FSCN2: variants seen among roughly 807,000 people sequenced by gnomAD.
FSCN2 encodes the protein fascin-2.
Under a neutral mutation model 37.8 loss-of-function variants are expected in FSCN2, and 46 were observed. The observed-to-expected ratio is 1.22, with a 90% CI of 0.96 to 1.56. FSCN2 has a LOEUF of 1.56. FSCN2 is among the 40% of genes most tolerant of loss of function. FSCN2 has a pLI of 0.00. For missense variants in FSCN2, 844 were observed against 730.4 expected, an observed-to-expected ratio of 1.16 and a Z score of -1.79; for synonymous variants, 351 against 309.4, an observed-to-expected ratio of 1.13 and a Z score of -1.41.
the FSCN2 span, among the ~76,000 whole-genome samples, chr17:81,515,814 C>T: frequency 6.6e-6 from 1 of 152,392 alleles, no homozygotes; most frequent in South Asian, 2.1e-4. Flanking sequence ...CTCTGTCACT[C>T]TACCTGCCTG....
intron 1 of FSCN2, among the ~76,000 whole-genome samples, chr17:81,533,744 T>C (rs1421536616): frequency 6.6e-6 from 1 of 152,160 alleles, no homozygotes; most frequent in African/African-American, 2.4e-5. Context: ...ACTCCTCTCC[T>C]ATTTTGAGGC....
chr17:81,531,519 GTGGTGATGGCGATGGTGGTGATGA>G (rs2032600535), intron 1 of FSCN2, among the ~76,000 whole-genome samples: 2 of 120,282 alleles, frequency 1.7e-5, no homozygotes, highest in South Asian at 2.9e-4. Context: ...GATGGTGATG[GTGGTGATGGCGATGGTGGTGATGA>G]TGGTGATGGC....
At chr17:81,536,300 G>C (rs369041384) in intron 3 of FSCN2, 33 bp downstream of exon 3, 186 of 1,577,376 alleles carry the variant, frequency 1.2e-4, no homozygotes, top group Non-Finnish European at 1.5e-4. Context: ...ACTGGGGCAG[G>C]GGCTGTCTCC....
intron 2 of FSCN2, among the ~76,000 whole-genome samples, chr17:81,535,672 C>T (rs867644896): frequency 2.6e-4 from 2 of 7,672 alleles, no homozygotes; most frequent in African/African-American, 6.7e-4. Context: ...TCCATCCCCA[C>T]CATCCCCATC....
intron 1 of FSCN2, among the ~76,000 whole-genome samples, chr17:81,533,596 T>C (rs7503165): frequency 0.91 from 139,170 of 152,248 alleles, 63,635 homozygotes; most frequent in East Asian, 1. Flanking sequence ...TGTGTCTTCA[T>C]AGGAGTAAGA....
the FSCN2 span, among the ~76,000 whole-genome samples, chr17:81,520,871 C>T: frequency 6.6e-6 from 1 of 152,134 alleles, no homozygotes; most frequent in Admixed American, 6.5e-5. Context: ...TTTACAATTT[C>T]TTTCTTTTGT....
intron 1 of FSCN2, chr17:81,530,565 CT>C (rs782736716): frequency 2.0e-5 from 10 of 508,636 alleles, no homozygotes; most frequent in Admixed American, 1.8e-4. Context: ...CATGGAGCTC[CT>C]CCTCCCAACT....
chr17:81,531,942 GTGATGA>G lies in FSCN2; in HGVS notation c.826+2591_826+2596del, dbSNP rs548686611. 7.2e-5 allele frequency among the ~76,000 whole-genome samples: 8 copies of G among 110,792 alleles called. 1 individual carries two copies. In the South Asian group the frequency reaches 1.3e-3, roughly 18 times the overall value. 72.7% of individuals were successfully genotyped at this position (110,792 alleles called of 152,430 possible). On this transcript the variant is annotated intron_variant, in intron 1 of 4. Transcript: ENST00000417245. ...GGTGATGGTGATAGTGATGATAATG[GTGATGA>G]TGATGGTGATGGTGATAGTGATGAT...
the FSCN2 span, among the ~76,000 whole-genome samples, chr17:81,520,383 C>G: frequency 1.3e-5 from 2 of 152,198 alleles, no homozygotes; most frequent in Non-Finnish European, 2.9e-5. Flanking sequence ...GAGGGAATCA[C>G]CCTGGGGAGC....
chr17:81,532,635 ATGGTGATGATGG>A (rs1169859156), intron 1 of FSCN2, among the ~76,000 whole-genome samples: 4 of 143,552 alleles, frequency 2.8e-5, no homozygotes, highest in Admixed American at 1.4e-4. Context: ...GATGATGGTG[ATGGTGATGATGG>A]TGGTGATGGT....
At chr17:81,534,753 C>T (rs2032794718) in intron 1 of FSCN2, among the ~76,000 whole-genome samples, 1 of 151,792 alleles carries the variant, frequency 6.6e-6, no homozygotes, top group Non-Finnish European at 1.5e-5. Flanking sequence ...AAGGAGATTA[C>T]CAGCTGATTA....
At position 81,529,715 on chromosome 17, in the gene FSCN2, C is replaced by T. The variant is rs1267313733; in HGVS notation, c.826+358C>T. The T allele has an allele frequency of 2.0e-4, 105 of 529,848 alleles. 2 individuals carry two copies. Among genetic ancestry groups the T allele is most frequent in the South Asian group, 1.0e-3 (67 of 65,898 alleles). The allele number at this position is 529,848 out of a possible 1,614,324, so 32.8% of individuals were successfully genotyped here. On this transcript the variant is annotated intron_variant, in intron 1 of 4. Transcript: ENST00000417245. ...GTGCCCAGCAGGGGCAGGAGGCCCA[C>T]AGCCTGGCCTGGTGCCATGAGGGGC...
the FSCN2 span, among the ~76,000 whole-genome samples, chr17:81,516,397 C>G: frequency 1.3e-3 from 205 of 152,356 alleles, 1 homozygote; most frequent in Admixed American, 5.4e-3. Context: ...TAATAAAAAG[C>G]TAACTTGAAT....
At chr17:81,525,163 C>T (rs113563321), upstream of FSCN2, among the ~76,000 whole-genome samples, 8,198 of 151,996 alleles carry the variant, frequency 0.054, 460 homozygotes, top group African/African-American at 0.13. Context: ...CGGTGGCTCA[C>T]GCCTGTAATC....
At chr17:81,518,821 C>T in the FSCN2 span, among the ~76,000 whole-genome samples, 1 of 152,238 alleles carries the variant, frequency 6.6e-6, no homozygotes, top group Non-Finnish European at 1.5e-5. Flanking sequence ...GCTGGCGCCA[C>T]GCGGAAAAGG....
intron 3 of FSCN2, 38 bp downstream of exon 3, chr17:81,536,305 G>A: frequency 1.3e-6 from 2 of 1,574,102 alleles, no homozygotes; most frequent in Non-Finnish European, 1.7e-6. Flanking sequence ...GGCAGGGGCT[G>A]TCTCCACCCA....
At chr17:81,531,489 A>ATGG (rs1555671309) in intron 1 of FSCN2, among the ~76,000 whole-genome samples, 193 of 83,752 alleles carry the variant, frequency 2.3e-3, no homozygotes, top group Non-Finnish European at 2.7e-3. Flanking sequence ...GATGGTGATG[A>ATGG]TGGTGATGGT....
chr17:81,521,735 CT>C, the FSCN2 span, among the ~76,000 whole-genome samples: 1 of 152,094 alleles, frequency 6.6e-6, no homozygotes, highest in African/African-American at 2.4e-5. Context: ...TATCATTCTC[CT>C]TCTATTTCTG....
In FSCN2 at chr17:81,532,053, G is replaced by T. The variant is rs900626011; in HGVS notation, c.826+2696G>T. Among the ~76,000 whole-genome samples the T allele has an allele frequency of 2.4e-4, 29 of 121,562 alleles. 1 individual carries two copies. Among genetic ancestry groups the T allele is most frequent in the Non-Finnish European group, 8.5e-5 (5 of 58,574 alleles). 79.7% of individuals were successfully genotyped at this position (121,562 alleles called of 152,430 possible). A position where few individuals can be genotyped will look rare whatever the true frequency, so the allele number is the denominator to read the frequency against. On this transcript the variant is annotated intron_variant, in intron 1 of 4. Coordinates refer to ENST00000417245, the MANE Select transcript of FSCN2 (RefSeq NM_012418.4). ...GATGGTGATGATGATGGTGATGATG[G>T]TGATGGTGATGATAGTGATGGTGGT...
Sources: gnomAD v4.1 joint callset for allele counts (sites outside exome capture counted in the v4.1 genomes callset) on GRCh38, gnomAD v4.1.1 for gene constraint, MANE v1.5 for transcripts, NCBI Gene and HGNC (gene_info 2026-07-23, HGNC 2026-07-21) for gene names.